Variants in GNA13 observed in about 807,000 individuals in gnomAD.
GNA13 encodes the protein guanine nucleotide-binding protein subunit alpha-13.
Under a neutral mutation model 33.5 loss-of-function variants are expected in GNA13, and 4 were observed. The ratio of observed to expected loss-of-function variants is 0.12; its 90% CI spans 0.06 to 0.27. The LOEUF (loss-of-function observed/expected upper bound fraction) is 0.27. Among genes scored for constraint, GNA13 ranks in the 10% least tolerant of loss-of-function variants. The pLI is 1.00. For missense variants in GNA13, 319 were observed against 487.2 expected, an observed-to-expected ratio of 0.65 and a Z score of 3.25; for synonymous variants, 176 against 183.8, an observed-to-expected ratio of 0.96 and a Z score of 0.34.
At chr17:65,048,243 AT>A (rs768376739) in intron 2 of GNA13, among the ~76,000 whole-genome samples, 17 of 152,286 alleles carry the variant, frequency 1.1e-4, no homozygotes, top group African/African-American at 4.1e-4. Flanking sequence ...ACAAAAAAAA[AT>A]AGTTGGAAAT....
rs564507196 is a variant in GNA13 at position 65,024,073 on chromosome 17, C to T, written c.511-5770G>A. 1.3e-4 allele frequency among the ~76,000 whole-genome samples: 20 copies of T among 152,266 alleles called. 1 individual carries two copies. The highest frequency in any genetic ancestry group is 8.3e-4 in the South Asian group (4 of 4,822). On this transcript the variant is annotated intron_variant, in intron 2 of 3. Coordinates refer to ENST00000439174, the MANE Select transcript of GNA13 (RefSeq NM_006572.6). ...GTTTAAAACCCACCTAGGCAACATA[C>T]TGAGACTCATCTCTACAAAAAGTTA...
intron 2 of GNA13, among the ~76,000 whole-genome samples, chr17:65,028,123 G>A (rs1906862731): frequency 6.6e-6 from 1 of 152,228 alleles, no homozygotes; most frequent in African/African-American, 2.4e-5. Flanking sequence ...CTACTCGGGA[G>A]GCTGAAGCAG....
intron 2 of GNA13, among the ~76,000 whole-genome samples, chr17:65,042,893 T>C (rs980360777): frequency 2.0e-5 from 3 of 152,140 alleles, no homozygotes; most frequent in African/African-American, 4.8e-5. Context: ...GTAAATCAAA[T>C]CAAAGTTTAT....
intron 2 of GNA13, among the ~76,000 whole-genome samples, chr17:65,025,900 C>G (rs1487502403): frequency 6.6e-6 from 1 of 151,820 alleles, no homozygotes; most frequent in African/African-American, 2.4e-5. Flanking sequence ...GTGGGAGGAT[C>G]ACTTGAGCCT....
chr17:65,022,004 T>C (rs991223229), intron 2 of GNA13, among the ~76,000 whole-genome samples: 7 of 152,152 alleles, frequency 4.6e-5, no homozygotes, highest in Admixed American at 1.3e-4. Context: ...AGCAAATGGA[T>C]TGCTCCTTAT....
At chr17:65,023,340 G>T (rs1477665989) in intron 2 of GNA13, among the ~76,000 whole-genome samples, 2 of 152,216 alleles carry the variant, frequency 1.3e-5, no homozygotes, top group East Asian at 3.8e-4. Flanking sequence ...CCATCAGCAG[G>T]TCATGAGTTT....
In GNA13 at chr17:65,011,717, T is replaced by G. The variant is rs1293739100; in HGVS notation, c.*2540A>C. ...TATTCCAAATCATAACCATAAAGAT[T>G]TAGAAAATCAAATACATCAAAGAAC... On this transcript the variant is annotated 3_prime_UTR_variant, in exon 4 of 4. Coordinates refer to ENST00000439174, the MANE Select transcript of GNA13 (RefSeq NM_006572.6). 3 of 227,530 alleles carry G rather than the reference T, an allele frequency of 1.3e-5. No homozygotes were observed. Among genetic ancestry groups the G allele is most frequent in the Non-Finnish European group, 2.6e-5 (3 of 114,486 alleles). The allele number at this position is 227,530 out of a possible 1,614,324, so 14.1% of individuals were successfully genotyped here.
Position 65,014,512 on chromosome 17 carries a change from T to A in GNA13, c.879A>T (p.Thr293=), listed in dbSNP as rs1266615778. ...TTTGCACCTTCTCCTCAAGCAAGTC[T>A]GTCTTGTTTAAGAACAGAATTATGG... is the stretch of plus-strand genomic sequence containing the variant. ...NVSIILFLNK[T]DLLEEKVQIV... Residue 293 remains threonine, a synonymous_variant, in exon 4 of 4, where the codon ACA becomes ACT. Coordinates refer to ENST00000439174, the MANE Select transcript of GNA13 (RefSeq NM_006572.6). The surrounding 1 kb of genome is among the most constrained non-coding windows in gnomAD (Gnocchi z 5.3). The A allele has an allele frequency of 1.2e-6, 2 of 1,613,844 alleles. No individual in the cohort carries two copies. Among genetic ancestry groups the A allele is most frequent in the Admixed American group, 3.3e-5 (2 of 60,006 alleles).
chr17:65,037,777 GGAAA>G (rs1220028903), intron 2 of GNA13, among the ~76,000 whole-genome samples: 20 of 82,042 alleles, frequency 2.4e-4, no homozygotes, highest in African/African-American at 6.6e-4. Flanking sequence ...CTACAAAAAT[GGAAA>G]AAAAAAAAAA....
Position 65,014,254 on chromosome 17 carries a change from A to C in GNA13, c.*3T>G, listed in dbSNP as rs1906286791. ...GATATTAAAACAGCAAGTCTTTTGT[A>C]CATCACTGTAGCATAAGCTGCTTGA... On this transcript the variant is annotated 3_prime_UTR_variant, in exon 4 of 4. Coordinates refer to ENST00000439174, the MANE Select transcript of GNA13 (RefSeq NM_006572.6). The surrounding 1 kb of genome is among the most constrained non-coding windows in gnomAD (Gnocchi z 5.3). The C allele has an allele frequency of 6.6e-7, 1 of 1,516,986 alleles. No homozygotes were observed. Among genetic ancestry groups the C allele is most frequent in the Admixed American group, 1.8e-5 (1 of 56,582 alleles). The allele number at this position is 1,516,986 out of a possible 1,614,324, so 94.0% of individuals were successfully genotyped here. A position where few individuals can be genotyped will look rare whatever the true frequency, so the allele number is the denominator to read the frequency against.
In GNA13 at chr17:65,010,518, A is replaced by G. The variant is rs947054939; in HGVS notation, c.*3739T>C. Reference sequence around the variant, plus strand: ...TCATTAAAAAACAAAACAAAACAAAACAAAACAGTGCTTTTAGTCAAGCAG... The same window carrying G: ...TCATTAAAAAACAAAACAAAACAAAGCAAAACAGTGCTTTTAGTCAAGCAG... On this transcript the variant is annotated 3_prime_UTR_variant, in exon 4 of 4. Coordinates refer to ENST00000439174, the MANE Select transcript of GNA13 (RefSeq NM_006572.6). Among the ~76,000 whole-genome samples the G allele has an allele frequency of 6.6e-6, 1 of 152,058 alleles. No homozygotes were observed. Among genetic ancestry groups the G allele is most frequent in the African/African-American group, 2.4e-5 (1 of 41,414 alleles).
chr17:65,023,979 C>T lies in GNA13; in HGVS notation c.511-5676G>A, dbSNP rs999833401. Reference sequence around the variant, plus strand: ...TAAAAATCATATGCTATGGCTGGCACGGTGGCTCACACTGTAATCCCAGCA... The same window carrying T: ...TAAAAATCATATGCTATGGCTGGCATGGTGGCTCACACTGTAATCCCAGCA... On this transcript the variant is annotated intron_variant, in intron 2 of 3. Coordinates refer to ENST00000439174, the MANE Select transcript of GNA13 (RefSeq NM_006572.6). Among the ~76,000 whole-genome samples, 8 of 152,280 alleles carry T rather than the reference C, an allele frequency of 5.3e-5. No individual in the cohort carries two copies. The East Asian group carries it at 9.6e-4, about 18-fold the overall frequency.
intron 2 of GNA13, among the ~76,000 whole-genome samples, chr17:65,050,596 ACGGCACACACCT>A (rs1907827490): frequency 6.6e-6 from 1 of 152,086 alleles, no homozygotes; most frequent in Admixed American, 6.5e-5. Flanking sequence ...GCTGGGTGTG[ACGGCACACACCT>A]GTAGTCCTAG....
At chr17:65,022,285 G>A (rs1240746348) in intron 2 of GNA13, among the ~76,000 whole-genome samples, 1 of 152,080 alleles carries the variant, frequency 6.6e-6, no homozygotes, top group Non-Finnish European at 1.5e-5. Context: ...GGAGACTGAG[G>A]CAGTGTGTTG....
intron 2 of GNA13, among the ~76,000 whole-genome samples, chr17:65,025,105 C>T (rs538210169): frequency 5.9e-5 from 9 of 152,146 alleles, no homozygotes; most frequent in African/African-American, 2.2e-4. Context: ...ACTATGTTGC[C>T]CAGGGTGGTC....
intron 1 of GNA13, 36 bp from the exon 2 acceptor site, chr17:65,053,764 G>A (rs1414187627): frequency 7.9e-7 from 1 of 1,262,640 alleles, no homozygotes; most frequent in Admixed American, 1.7e-5. Context: ...TGTATGGAGA[G>A]GAGTCATTAC....
intron 2 of GNA13, among the ~76,000 whole-genome samples, chr17:65,043,221 C>A (rs555242047): frequency 1.3e-5 from 2 of 152,120 alleles, no homozygotes; most frequent in Non-Finnish European, 2.9e-5. Context: ...AATCTTAAGG[C>A]CATCACATGA....
At chr17:65,033,614 G>T (rs1325709796) in intron 2 of GNA13, among the ~76,000 whole-genome samples, 1 of 152,056 alleles carries the variant, frequency 6.6e-6, no homozygotes. Flanking sequence ...ACTTATAGCC[G>T]ACAAGCCATT....
chr17:65,024,298 A>G (rs1419621372), intron 2 of GNA13, among the ~76,000 whole-genome samples: 3 of 152,236 alleles, frequency 2.0e-5, no homozygotes, highest in African/African-American at 7.2e-5. Flanking sequence ...GTGTGAAAAT[A>G]TATTTTCAAG....
Sources: allele counts gnomAD v4.1 joint callset (sites outside exome capture counted in the v4.1 genomes callset), GRCh38; gene constraint gnomAD v4.1.1; non-coding constraint Gnocchi (gnomAD v3.1); transcripts MANE v1.5; gene names NCBI Gene and HGNC (gene_info 2026-07-23, HGNC 2026-07-21).